Variants in ABTB3 observed in about 807,000 individuals in gnomAD.
ABTB3 encodes the protein ankyrin repeat- and BTB/POZ domain-containing protein 3.
the ABTB3 span, among the ~76,000 whole-genome samples, chr12:107,635,821 C>G: frequency 1.2e-4 from 17 of 147,192 alleles, no homozygotes; most frequent in African/African-American, 4.2e-4. Flanking sequence ...GGAGATCCTT[C>G]TACAGGAAAC....
the ABTB3 span, chr12:107,657,562 C>T: frequency 2.5e-6 from 4 of 1,614,220 alleles, no homozygotes; most frequent in Non-Finnish European, 2.5e-6. Flanking sequence ...TTCTCAAAAA[C>T]ATGATGGTCC....
the ABTB3 span, among the ~76,000 whole-genome samples, chr12:107,524,223 G>A: frequency 6.6e-6 from 1 of 152,178 alleles, no homozygotes; most frequent in African/African-American, 2.4e-5. Flanking sequence ...CATTAAGTCA[G>A]CCCCATAGAA....
the ABTB3 span, among the ~76,000 whole-genome samples, chr12:107,494,113 A>C: frequency 6.6e-6 from 1 of 152,126 alleles, no homozygotes. Flanking sequence ...CAGAGACGGC[A>C]AGTGAGAAAA....
At chr12:107,351,836 T>C in the ABTB3 span, among the ~76,000 whole-genome samples, 1 of 152,160 alleles carries the variant, frequency 6.6e-6, no homozygotes, top group Non-Finnish European at 1.5e-5. Context: ...TCCCAATTAA[T>C]ATCTGTTTGT....
At chr12:107,423,785 A>T in the ABTB3 span, among the ~76,000 whole-genome samples, 1 of 152,184 alleles carries the variant, frequency 6.6e-6, no homozygotes, top group Non-Finnish European at 1.5e-5. Flanking sequence ...TGGCCTTGAG[A>T]ATGCAAGCCA....
At chr12:107,319,087 G>A in the ABTB3 span, 1 of 1,610,546 alleles carries the variant, frequency 6.2e-7, no homozygotes, top group Non-Finnish European at 8.5e-7. Context: ...CGTATGGCGG[G>A]AGCTGCTGGC....
the ABTB3 span, among the ~76,000 whole-genome samples, chr12:107,645,647 G>T: frequency 6.6e-6 from 1 of 152,214 alleles, no homozygotes; most frequent in Non-Finnish European, 1.5e-5. Context: ...GCTCATGAAG[G>T]GGGAGCTTAC....
At chr12:107,599,507 T>G in the ABTB3 span, among the ~76,000 whole-genome samples, 1 of 152,204 alleles carries the variant, frequency 6.6e-6, no homozygotes, top group Non-Finnish European at 1.5e-5. Flanking sequence ...CTGGATACCA[T>G]CCATCTCTGT....
At chr12:107,438,763 G>A in the ABTB3 span, among the ~76,000 whole-genome samples, 78 of 152,216 alleles carry the variant, frequency 5.1e-4, no homozygotes, top group African/African-American at 1.6e-3. Context: ...ATGCAAGGAC[G>A]CGTTAGCACC....
chr12:107,427,210 G>A, the ABTB3 span, among the ~76,000 whole-genome samples: 1 of 152,038 alleles, frequency 6.6e-6, no homozygotes, highest in Middle Eastern at 3.2e-3. Flanking sequence ...CTTGGCTTGT[G>A]GGTGCACCAC....
the ABTB3 span, among the ~76,000 whole-genome samples, chr12:107,566,808 T>C: frequency 6.6e-6 from 1 of 152,178 alleles, no homozygotes; most frequent in African/African-American, 2.4e-5. Flanking sequence ...TAAAAAACAA[T>C]CTATAGGCCA....
chr12:107,580,669 A>G, the ABTB3 span: 1 of 561,328 alleles, frequency 1.8e-6, no homozygotes, highest in South Asian at 2.6e-5. Context: ...CAGAAAGACG[A>G]CAGGGACGAG....
chr12:107,617,404 C>T, the ABTB3 span: 1 of 1,614,162 alleles, frequency 6.2e-7, no homozygotes, highest in Admixed American at 1.7e-5. Flanking sequence ...GTGATATGAA[C>T]TCTTTCAGCC....
the ABTB3 span, among the ~76,000 whole-genome samples, chr12:107,537,607 G>A: frequency 1.3e-5 from 2 of 152,036 alleles, no homozygotes; most frequent in Non-Finnish European, 2.9e-5. Context: ...ACCCTCCCTT[G>A]CTCACTCCAG....
At chr12:107,425,822 T>A in the ABTB3 span, among the ~76,000 whole-genome samples, 1 of 152,360 alleles carries the variant, frequency 6.6e-6, no homozygotes, top group East Asian at 1.9e-4. Flanking sequence ...GATGCTCAGT[T>A]GGTGCCAATC....
At chr12:107,409,257 T>C in the ABTB3 span, among the ~76,000 whole-genome samples, 1 of 152,232 alleles carries the variant, frequency 6.6e-6, no homozygotes, top group East Asian at 1.9e-4. Context: ...GAACCAGCTA[T>C]GTAGTTTGCA....
the ABTB3 span, among the ~76,000 whole-genome samples, chr12:107,350,720 G>C: frequency 6.6e-6 from 1 of 152,112 alleles, no homozygotes; most frequent in Non-Finnish European, 1.5e-5. Context: ...GGAGGAGATT[G>C]GGGACATTTT....
chr12:107,408,514 A>C, the ABTB3 span, among the ~76,000 whole-genome samples: 1 of 152,202 alleles, frequency 6.6e-6, no homozygotes, highest in Non-Finnish European at 1.5e-5. Context: ...ATTTAGGGAG[A>C]GTTAGGAATA....
At chr12:107,354,918 C>T in the ABTB3 span, among the ~76,000 whole-genome samples, 1 of 152,152 alleles carries the variant, frequency 6.6e-6, no homozygotes, top group East Asian at 1.9e-4. Flanking sequence ...TGTAACCATA[C>T]ATTATATAGC....
Sources: allele counts gnomAD v4.1 joint callset (sites outside exome capture counted in the v4.1 genomes callset), GRCh38; gene constraint gnomAD v4.1.1; transcripts MANE v1.5; gene names NCBI Gene and HGNC (gene_info 2026-07-23, HGNC 2026-07-21).